The following ZNF157 variants were observed in gnomAD, a reference collection of about 807,000 sequenced individuals.
The protein encoded by ZNF157 is zinc finger protein 157.
Under a neutral mutation model 9.4 loss-of-function variants are expected in ZNF157, and 8 were observed. The observed-to-expected ratio is 0.85, with a 90% CI of 0.50 to 1.53. The LOEUF (loss-of-function observed/expected upper bound fraction) is 1.53. Among genes scored for constraint, ZNF157 ranks in the 40% most tolerant of loss-of-function variants. The probability of loss-of-function intolerance (pLI) is 0.00; values close to 1 mark genes in which losing one functional copy is unlikely to be tolerated. For missense variants in ZNF157, 316 were observed against 385.2 expected (o/e 0.82, Z 1.50); for synonymous variants, 120 against 130.8 (o/e 0.92, Z 0.56).
intron 1 of ZNF157, among the ~76,000 whole-genome samples, chrX:47,382,491 T>C: frequency 9.4e-6 from 1 of 106,688 alleles, no homozygotes; most frequent in Non-Finnish European, 1.9e-5. Context: ...AGTGCTGGGA[T>C]TACAGGCATG....
At chrX:47,384,693 A>G (rs1373081465) in intron 1 of ZNF157, among the ~76,000 whole-genome samples, 1 of 112,725 alleles carries the variant, frequency 8.9e-6, no homozygotes, top group African/African-American at 3.2e-5. Context: ...GCTTATGGCA[A>G]AAGCCTAAGA....
At chrX:47,383,136 C>T (rs1185116371) in intron 1 of ZNF157, among the ~76,000 whole-genome samples, 1 of 107,299 alleles carries the variant, frequency 9.3e-6, no homozygotes, top group African/African-American at 3.4e-5. Context: ...TTTGGGAGGC[C>T]GAGGTGGGCG....
chrX:47,397,900 C>T (rs1293278631), intron 1 of ZNF157, among the ~76,000 whole-genome samples: 1 of 110,920 alleles, frequency 9.0e-6, no homozygotes, highest in African/African-American at 3.3e-5. Context: ...AACAGAGACC[C>T]CTACACCAGT....
intron 1 of ZNF157, among the ~76,000 whole-genome samples, chrX:47,391,832 G>A (rs1461599126): frequency 9.1e-6 from 1 of 110,390 alleles, no homozygotes; most frequent in Non-Finnish European, 1.9e-5. Context: ...TTACAGGCAT[G>A]AGCCACTGCG....
At chrX:47,404,309 C>T (rs927286708) in intron 1 of ZNF157, among the ~76,000 whole-genome samples, 2 of 108,465 alleles carry the variant, frequency 1.8e-5, no homozygotes, top group Non-Finnish European at 3.8e-5. Flanking sequence ...GGATTACAGG[C>T]GCGCACCACC....
In ZNF157 at chrX:47,410,280, C is replaced by T. The variant is rs1045180198; in HGVS notation, c.77C>T (p.Ser26Phe). The T allele has an allele frequency of 8.3e-7, 1 of 1,211,135 alleles. No individual in the cohort carries two copies. The highest frequency in any genetic ancestry group is 1.8e-5 in the South Asian group (1 of 56,966). ...PGEPGRSFEG[S>F]VSFEDVAVDF... ...CATTGGAGATTGTTATTACAGGGGTCCGTGTCATTCGAGGATGTGGCTGTG... is the reference window on the plus strand; with the variant it reads ...CATTGGAGATTGTTATTACAGGGGTTCGTGTCATTCGAGGATGTGGCTGTG... The change falls in exon 2 of 4, where the codon TCC (serine) becomes TTC (phenylalanine). Residue 26 changes from serine (S) to phenylalanine (F), a missense_variant. Physicochemically the swap from Ser to Phe is radical, Grantham distance 155 (BLOSUM62 -2). This residue lies in a region of ZNF157 where 146 missense variants were observed against 183.8 expected (regional missense o/e 0.79). Coordinates refer to ENST00000377073, the MANE Select transcript of ZNF157 (RefSeq NM_003446.4).
intron 1 of ZNF157, among the ~76,000 whole-genome samples, chrX:47,402,632 C>T (rs980895401): frequency 4.6e-5 from 5 of 107,687 alleles, no homozygotes; most frequent in Admixed American, 1.0e-4. Context: ...CTCCGCCTCC[C>T]GGGTTCACGC....
rs750195019 is a variant in ZNF157, at chrX:47,412,352, G to A, written c.296-17G>A. 6 of 1,154,474 alleles carry A rather than the reference G, an allele frequency of 5.2e-6. No homozygotes were observed. The highest frequency in any genetic ancestry group is 5.8e-6 in the Non-Finnish European group (5 of 859,761). ...ATTTTACATAAAAGAGTGACATGCT[G>A]TGATTTATTTTTAAAGGATCTCTCT... On this transcript the variant is annotated splice_polypyrimidine_tract_variant and intron_variant, in intron 3 of 3. Transcript: ENST00000377073.
intron 1 of ZNF157, among the ~76,000 whole-genome samples, chrX:47,393,745 T>TCCCCC (rs1569258580): frequency 1.0e-3 from 51 of 48,887 alleles, no homozygotes; most frequent in South Asian, 1.3e-3. Context: ...CCCCCGCCCT[T>TCCCCC]TTTTTTTTTT....
At chrX:47,410,217 T>C in intron 1 of ZNF157, 59 bp from the exon 2 acceptor site, 1 of 1,202,118 alleles carries the variant, frequency 8.3e-7, no homozygotes, top group South Asian at 1.8e-5. Context: ...TTGAGAAGAT[T>C]AGTTCCTGCA....
chrX:47,381,085 G>A (rs766272673), intron 1 of ZNF157, among the ~76,000 whole-genome samples: 2 of 102,976 alleles, frequency 1.9e-5, no homozygotes, highest in South Asian at 9.7e-4. Flanking sequence ...GCAGGAGGAG[G>A]AGGAGAAAGA....
At chrX:47,402,079 A>C (rs1448381421) in intron 1 of ZNF157, among the ~76,000 whole-genome samples, 1 of 111,265 alleles carries the variant, frequency 9.0e-6, no homozygotes. Flanking sequence ...TAGGTATATA[A>C]ATCCTCTAGC....
At chrX:47,394,896 G>T (rs1342089738) in intron 1 of ZNF157, among the ~76,000 whole-genome samples, 1 of 110,902 alleles carries the variant, frequency 9.0e-6, no homozygotes, top group Non-Finnish European at 1.9e-5. Context: ...TCAGCTCACT[G>T]CAGCCTTGAC....
Position 47,412,516 on chromosome X carries a change from G to C in ZNF157, c.443G>C (p.Gly148Ala), listed in dbSNP as rs1193989413. Residue 148 changes from glycine (G) to alanine (A), a missense_variant, in exon 4 of 4, where the codon GGC becomes GCC. Physicochemically the swap from Gly to Ala is moderately conservative, Grantham distance 60. Around this residue, in one of 3 missense-constraint regions of ZNF157, gnomAD observed 146 missense variants for 183.8 expected, o/e 0.79. Coordinates refer to ENST00000377073, the MANE Select transcript of ZNF157 (RefSeq NM_003446.4). ...AGGAAAGCCTTCCATGAGAAAACAG[G>C]CTTTGTTAGACGTAAAAGAACACCC... ...GCRKAFHEKT[G>A]FVRRKRTPRG... The C allele has an allele frequency of 2.5e-6, 3 of 1,210,546 alleles. No individual in the cohort carries two copies. The highest frequency in any genetic ancestry group is 3.5e-5 in the African/African-American group (2 of 57,366).
chrX:47,371,224 G>A (rs962566269), intron 1 of ZNF157, among the ~76,000 whole-genome samples: 1 of 109,901 alleles, frequency 9.1e-6, no homozygotes, highest in African/African-American at 3.3e-5. Flanking sequence ...TGTACTCCCA[G>A]CTACTCGGGA....
chrX:47,386,390 T>C (rs1382405028), intron 1 of ZNF157, among the ~76,000 whole-genome samples: 2 of 111,179 alleles, frequency 1.8e-5, no homozygotes, highest in Non-Finnish European at 3.8e-5. Flanking sequence ...ACCCCGACAC[T>C]AATCTGTTCT....
intron 1 of ZNF157, among the ~76,000 whole-genome samples, chrX:47,383,019 G>A (rs1161896459): frequency 9.1e-6 from 1 of 110,477 alleles, no homozygotes; most frequent in Non-Finnish European, 1.9e-5. Context: ...TGAAAATGGG[G>A]AGAAGCCTAG....
intron 1 of ZNF157, among the ~76,000 whole-genome samples, chrX:47,377,204 G>A (rs1290828273): frequency 1.9e-5 from 2 of 107,746 alleles, no homozygotes; most frequent in African/African-American, 6.8e-5. Context: ...CAGCACTCCC[G>A]GCTTACACTG....
At chrX:47,384,245 A>T (rs1048892596) in intron 1 of ZNF157, among the ~76,000 whole-genome samples, 2 of 111,822 alleles carry the variant, frequency 1.8e-5, no homozygotes, top group Non-Finnish European at 3.8e-5. Flanking sequence ...GTCTCAAATA[A>T]ATAAATAAGT....
Sources: gnomAD v4.1 joint callset for allele counts (sites outside exome capture counted in the v4.1 genomes callset) on GRCh38, gnomAD v4.1.1 for gene constraint, gnomAD v4.1.1 regional missense constraint, MANE v1.5 for transcripts, NCBI Gene and HGNC (gene_info 2026-07-23, HGNC 2026-07-21) for gene names.